UAP1: variants seen among roughly 807,000 people sequenced by gnomAD.
UAP1 encodes the protein UDP-N-acetylglucosamine pyrophosphorylase 1, also known as UDP-N-acetylhexosamine pyrophosphorylase.
UAP1 carries 25 observed loss-of-function variants against 58.5 expected under a neutral mutation model. The ratio of observed to expected loss-of-function variants is 0.43; its 90% confidence interval spans 0.31 to 0.60. The LOEUF is 0.60. Among genes scored for constraint, UAP1 ranks in the 20% least tolerant of loss-of-function variants. The pLI is 0.11. For synonymous variants in UAP1, 208 were observed against 213.0 expected (o/e 0.98, Z 0.21); for missense variants, 575 against 630.0 (o/e 0.91, Z 0.93).
downstream of UAP1, among the ~76,000 whole-genome samples, chr1:162,600,298 T>G (rs946479937): frequency 6.6e-6 from 1 of 152,200 alleles, no homozygotes; most frequent in African/African-American, 2.4e-5. Context: ...AGAATGTAGT[T>G]TCTGAATTTT....
chr1:162,588,215 C>T (rs540299752), intron 6 of UAP1: 19 of 154,446 alleles, frequency 1.2e-4, no homozygotes, highest in African/African-American at 4.3e-4. Flanking sequence ...GCTATTTTAT[C>T]CCACCATAGT....
rs144324756 is a variant in UAP1 at position 162,562,280 on chromosome 1, G to A, written c.-58+503G>A. Among the ~76,000 whole-genome samples, 204 of 152,154 alleles carry A rather than the reference G, an allele frequency of 1.3e-3. 3 individuals carry two copies. In the South Asian group the frequency reaches 0.016, roughly 12 times the overall value. On this transcript the variant is annotated intron_variant, in intron 1 of 10. Transcript: ENST00000271469. ...GGCACTGTCAGGTGGAAGCGAGTTG[G>A]TGTGTCTTGAATATATGAGGAAAAG...
intron 9 of UAP1, chr1:162,593,011 C>T: frequency 3.7e-6 from 2 of 537,502 alleles, no homozygotes; most frequent in South Asian, 5.4e-5. Context: ...AAGAATCTGA[C>T]CACAGGTGTT....
chr1:162,586,842 C>G (rs929327853), intron 5 of UAP1, among the ~76,000 whole-genome samples: 2 of 152,116 alleles, frequency 1.3e-5, no homozygotes, highest in Non-Finnish European at 2.9e-5. Flanking sequence ...AGTATAGAAT[C>G]ACTTATTTCA....
chr1:162,581,009 C>A (rs1225299984), intron 4 of UAP1, among the ~76,000 whole-genome samples: 2 of 152,080 alleles, frequency 1.3e-5, no homozygotes, highest in Admixed American at 6.6e-5. Flanking sequence ...CAATATATTA[C>A]TAAAAGGGGC....
rs565728064 is a variant in UAP1 at position 162,591,775 on chromosome 1, C to T, written c.1359-957C>T. On this transcript the variant is annotated intron_variant, in intron 8 of 10. Transcript: ENST00000271469. ...TGCTGGGATTACAGGCGTGAGCCGCCATGTCTGGCCAATCTTTTTTTTTTT... is the reference window on the plus strand; with the variant it reads ...TGCTGGGATTACAGGCGTGAGCCGCTATGTCTGGCCAATCTTTTTTTTTTT... 2.1e-4 allele frequency among the ~76,000 whole-genome samples: 31 copies of T among 150,284 alleles called. No individual in the cohort carries two copies. In the East Asian group the frequency reaches 5.6e-3, roughly 27 times the overall value.
intron 8 of UAP1, among the ~76,000 whole-genome samples, 157 bp downstream of exon 8, chr1:162,590,668 C>T (rs1655247622): frequency 6.6e-6 from 1 of 151,926 alleles, no homozygotes; most frequent in Non-Finnish European, 1.5e-5. Flanking sequence ...GTAGCTTTGC[C>T]TATTATAAAG....
At chr1:162,581,578 C>G in intron 5 of UAP1, 119 bp downstream of exon 5, 1 of 1,064,402 alleles carries the variant, frequency 9.4e-7, no homozygotes, top group African/African-American at 1.6e-5. Flanking sequence ...ATTTATCTCT[C>G]TAAAGTAACT....
chr1:162,582,783 T>C (rs1032209813), intron 5 of UAP1, among the ~76,000 whole-genome samples: 3 of 152,226 alleles, frequency 2.0e-5, no homozygotes, highest in South Asian at 4.1e-4. Context: ...GCCAAAGAAG[T>C]TATTTCTCTC....
chr1:162,590,802 AT>A (rs200031840), intron 8 of UAP1, among the ~76,000 whole-genome samples: 2,146 of 144,540 alleles, frequency 0.015, 28 homozygotes, highest in East Asian at 0.05. Context: ...TGATCAGAAG[AT>A]TTTTTTTTTT....
chr1:162,569,874 GC>G (rs1157960231), intron 2 of UAP1, among the ~76,000 whole-genome samples: 1 of 152,144 alleles, frequency 6.6e-6, no homozygotes, highest in Non-Finnish European at 1.5e-5. Flanking sequence ...ATACAGCCGG[GC>G]ATGGTGGCTC....
chr1:162,563,153 C>T (rs1235052015), intron 1 of UAP1, among the ~76,000 whole-genome samples: 1 of 152,168 alleles, frequency 6.6e-6, no homozygotes, highest in Non-Finnish European at 1.5e-5. Context: ...TTACACGTGC[C>T]TCTAAACATC....
At chr1:162,568,603 A>G (rs547030270) in intron 2 of UAP1, among the ~76,000 whole-genome samples, 2 of 152,332 alleles carry the variant, frequency 1.3e-5, no homozygotes, top group South Asian at 4.1e-4. Flanking sequence ...TGCCACTAAG[A>G]TGTGAGAGAA....
intron 1 of UAP1, among the ~76,000 whole-genome samples, chr1:162,563,391 A>C (rs149759692): frequency 0.015 from 2,264 of 151,020 alleles, 47 homozygotes; most frequent in African/African-American, 0.052. Context: ...TGAGACGGAG[A>C]GTCTCACTCT....
At chr1:162,589,228 AT>A (rs1228777339) in intron 7 of UAP1, among the ~76,000 whole-genome samples, 2 of 118,296 alleles carry the variant, frequency 1.7e-5, no homozygotes, top group African/African-American at 3.3e-5. Flanking sequence ...ATATTTATAT[AT>A]TATATATAAA....
At position 162,597,806 on chromosome 1, in the gene UAP1, A is replaced by G. The variant is rs374610378; in HGVS notation, c.1424A>G (p.Asn475Ser). ...TTTTTTCTTAGCTTGAAGGATGCCAATGATGTACCAATCCAATGTGAAATC... is the reference window on the plus strand; with the variant it reads ...TTTTTTCTTAGCTTGAAGGATGCCAGTGATGTACCAATCCAATGTGAAATC... The change falls in exon 10 of 11, where the codon AAT becomes AGT. Residue 475 changes from asparagine to serine, a missense_variant. Coordinates refer to ENST00000271469, the Ensembl canonical transcript of UAP1. The G allele has an allele frequency of 7.4e-6, 12 of 1,613,366 alleles. No individual in the cohort carries two copies. The highest frequency in any genetic ancestry group is 1.7e-5 in the Admixed American group (1 of 59,934).
Position 162,592,914 on chromosome 1 carries a change from C to CA in UAP1, c.1409+133dup, listed in dbSNP as rs1408938670. 4 of 731,366 alleles carry CA rather than the reference C, an allele frequency of 5.5e-6. No individual in the cohort carries two copies. The Admixed American group carries it at 9.7e-5, about 18-fold the overall frequency. 45.3% of individuals were successfully genotyped at this position (731,366 alleles called of 1,614,324 possible). On this transcript the variant is annotated intron_variant, in intron 9 of 10. Coordinates refer to ENST00000271469, the Ensembl canonical transcript of UAP1. ...GATGGTTGAAACTTTGGTGTGGGTG[C>CA]ACTGCTTACTTGGTGGCAGGTATCT...
intron 5 of UAP1, 103 bp downstream of exon 5, chr1:162,581,562 A>G (rs1654587804): frequency 8.1e-7 from 1 of 1,238,280 alleles, no homozygotes. Flanking sequence ...TGAATATTTT[A>G]GAACCATTTA....
intron 2 of UAP1, among the ~76,000 whole-genome samples, chr1:162,572,878 T>A (rs1261315934): frequency 6.6e-6 from 1 of 152,220 alleles, no homozygotes; most frequent in Admixed American, 6.5e-5. Flanking sequence ...ATTTTATATA[T>A]GTACTATAGT....
Sources: allele counts gnomAD v4.1 joint callset (sites outside exome capture counted in the v4.1 genomes callset), GRCh38; gene constraint gnomAD v4.1.1; transcripts MANE v1.5; gene names NCBI Gene and HGNC (gene_info 2026-07-23, HGNC 2026-07-21).